The following OTUD7A variants were observed in gnomAD, a reference collection of about 807,000 sequenced individuals.
OTUD7A encodes OTU domain-containing protein 7A.
In OTUD7A, 12 loss-of-function variants were observed where a neutral mutation model predicts 65.7. The ratio of observed to expected loss-of-function variants is 0.18; its 90% CI spans 0.12 to 0.30. OTUD7A has a LOEUF of 0.30. Among genes scored for constraint, OTUD7A ranks in the 10% least tolerant of loss-of-function variants. OTUD7A has a pLI of 1.00. For missense variants in OTUD7A, 1,148 were observed against 1,304.8 expected, an observed-to-expected ratio of 0.88 and a Z score of 1.85; for synonymous variants, 641 against 586.3, an observed-to-expected ratio of 1.09 and a Z score of -1.35.
chr15:31,485,387 G>C (rs2041222632), intron 12 of OTUD7A, among the ~76,000 whole-genome samples: 1 of 152,214 alleles, frequency 6.6e-6, no homozygotes, highest in Non-Finnish European at 1.5e-5. Flanking sequence ...ACTCAGTTTG[G>C]CAAGGTGGAA....
chr15:31,575,481 A>C lies in OTUD7A; in HGVS notation c.152-5284T>G, dbSNP rs543327962. On this transcript the variant is annotated intron_variant, in intron 3 of 12. Coordinates refer to ENST00000307050, the MANE Select transcript of OTUD7A (RefSeq NM_001382637.1). ...ACCACAATTACCTAGAGCGTACCATAAACAGCAGGAGTGACTATAACATGG... is the reference window on the plus strand; with the variant it reads ...ACCACAATTACCTAGAGCGTACCATCAACAGCAGGAGTGACTATAACATGG... 1.8e-4 allele frequency among the ~76,000 whole-genome samples: 28 copies of C among 152,356 alleles called. 1 individual carries two copies. In the East Asian group the frequency reaches 5.0e-3, roughly 27 times the overall value.
chr15:31,632,584 G>T (rs1468955791), intron 3 of OTUD7A, among the ~76,000 whole-genome samples: 2 of 152,260 alleles, frequency 1.3e-5, no homozygotes, highest in East Asian at 1.9e-4. Context: ...ACCCACTTGA[G>T]GAGGCAGTCT....
chr15:31,598,592 C>T (rs958969304), intron 3 of OTUD7A, among the ~76,000 whole-genome samples: 3 of 152,178 alleles, frequency 2.0e-5, no homozygotes, highest in Admixed American at 2.0e-4. Context: ...AGGCAGACAC[C>T]AAACTAGTTG....
At chr15:31,569,019 C>T (rs1430531588) in intron 4 of OTUD7A, among the ~76,000 whole-genome samples, 19 of 152,184 alleles carry the variant, frequency 1.2e-4, no homozygotes, top group Admixed American at 1.2e-3. Context: ...TTCTTTACAG[C>T]AGTGAAAGAA....
At chr15:31,757,232 G>C (rs1172990717) in intron 1 of OTUD7A, among the ~76,000 whole-genome samples, 2 of 151,842 alleles carry the variant, frequency 1.3e-5, no homozygotes, top group East Asian at 1.9e-4. Flanking sequence ...AGACAGCCAG[G>C]GATCTAATTC....
intron 1 of OTUD7A, among the ~76,000 whole-genome samples, chr15:31,802,415 A>G (rs906654152): frequency 2.0e-5 from 3 of 152,162 alleles, no homozygotes; most frequent in African/African-American, 7.2e-5. Context: ...ACCCAGATTA[A>G]GGGTAGGTCT....
At chr15:31,642,123 G>A (rs575179364) in intron 3 of OTUD7A, among the ~76,000 whole-genome samples, 4 of 152,244 alleles carry the variant, frequency 2.6e-5, no homozygotes, top group Admixed American at 1.3e-4. Flanking sequence ...AAAAATCAAG[G>A]ACGAATGTGG....
intron 1 of OTUD7A, among the ~76,000 whole-genome samples, chr15:31,753,702 T>TTATATATATATATATATTA (rs2140894585): frequency 9.0e-5 from 1 of 11,172 alleles, no homozygotes; most frequent in Non-Finnish European, 7.5e-4. Context: ...TATATATATA[T>TTATATATATATATATATTA]TATATATATA....
At position 31,527,171 on chromosome 15, in the gene OTUD7A, G is replaced by C. The variant is rs781186616; in HGVS notation, c.780+10C>G. On this transcript the variant is annotated intron_variant, in intron 7 of 12. Coordinates refer to ENST00000307050, the MANE Select transcript of OTUD7A (RefSeq NM_001382637.1). ...GGTCCCGGGCTCTGGCCATGCCAGT[G>C]GATACCAACCTCCTTATTCTGCTGC... 2.5e-6 allele frequency: 4 copies of C among 1,613,964 alleles called. No homozygotes were observed. The highest frequency in any genetic ancestry group is 8.5e-7 in the Non-Finnish European group (1 of 1,179,958).
intron 1 of OTUD7A, among the ~76,000 whole-genome samples, chr15:31,660,949 G>A (rs1892145328): frequency 1.3e-5 from 2 of 152,224 alleles, no homozygotes. Flanking sequence ...ACATGTGTGG[G>A]CTTTGAGCCC....
intron 8 of OTUD7A, among the ~76,000 whole-genome samples, chr15:31,523,691 C>T (rs147370649): frequency 2.3e-3 from 346 of 152,374 alleles, no homozygotes; most frequent in Middle Eastern, 3.4e-3. Context: ...TCGCCAGTTT[C>T]TGCCTTCAGG....
intron 3 of OTUD7A, among the ~76,000 whole-genome samples, chr15:31,579,695 T>A (rs1333518937): frequency 6.6e-6 from 1 of 152,222 alleles, no homozygotes; most frequent in Non-Finnish European, 1.5e-5. Context: ...TGTATGTGCA[T>A]GTGTGTATGT....
At position 31,802,101 on chromosome 15, in the gene OTUD7A, ATATGTGTGTGTG is replaced by A. The variant is rs1232654129; in HGVS notation, c.-100+68394_-100+68405del. Among the ~76,000 whole-genome samples the A allele has an allele frequency of 7.4e-3, 1,045 of 140,962 alleles. 4 individuals are homozygous for A. Among genetic ancestry groups the A allele is most frequent in the Admixed American group, 0.012 (164 of 14,240 alleles). The allele number at this position is 140,962 out of a possible 152,430, so 92.5% of individuals were successfully genotyped here. On this transcript the variant is annotated intron_variant, in intron 1 of 12. Coordinates refer to ENST00000307050, the MANE Select transcript of OTUD7A (RefSeq NM_001382637.1). ...TAATGGAATATATATGTGTGTGTAT[ATATGTGTGTGTG>A]TGTGTGTGTGTGTGTGTGTGTGTGT...
At chr15:31,772,024 G>A (rs892818663) in intron 1 of OTUD7A, among the ~76,000 whole-genome samples, 3 of 151,930 alleles carry the variant, frequency 2.0e-5, no homozygotes, top group Admixed American at 6.6e-5. Context: ...AGGCCGAGGC[G>A]GGCGGATCAC....
chr15:31,613,599 T>A (rs548627203), intron 3 of OTUD7A, among the ~76,000 whole-genome samples: 1 of 152,216 alleles, frequency 6.6e-6, no homozygotes, highest in Non-Finnish European at 1.5e-5. Flanking sequence ...CACAATGTGA[T>A]ACCACCTTAC....
At chr15:31,810,532 C>T (rs1182053633) in intron 1 of OTUD7A, among the ~76,000 whole-genome samples, 4 of 152,236 alleles carry the variant, frequency 2.6e-5, no homozygotes, top group East Asian at 1.9e-4. Flanking sequence ...AACAAGAAGG[C>T]GGCTGTCTGC....
At chr15:31,653,859 T>C (rs1293401485) in intron 3 of OTUD7A, among the ~76,000 whole-genome samples, 4 of 151,622 alleles carry the variant, frequency 2.6e-5, no homozygotes, top group African/African-American at 9.7e-5. Context: ...ATTACAATAA[T>C]GGCCACCACA....
intron 1 of OTUD7A, among the ~76,000 whole-genome samples, chr15:31,702,699 G>A (rs941002739): frequency 6.6e-6 from 1 of 151,976 alleles, no homozygotes; most frequent in Non-Finnish European, 1.5e-5. Context: ...TAAATTGACA[G>A]ACAATTCCTG....
chr15:31,748,084 C>T (rs1264996455), intron 1 of OTUD7A, among the ~76,000 whole-genome samples: 1 of 151,816 alleles, frequency 6.6e-6, no homozygotes, highest in African/African-American at 2.4e-5. Context: ...TGGATTGAAC[C>T]CTGGACCAGG....
Sources: allele counts gnomAD v4.1 joint callset (sites outside exome capture counted in the v4.1 genomes callset), GRCh38; gene constraint gnomAD v4.1.1; transcripts MANE v1.5; gene names NCBI Gene and HGNC (gene_info 2026-07-23, HGNC 2026-07-21).